The following RTP2 variants were observed in gnomAD, a reference collection of about 807,000 sequenced individuals.
RTP2 encodes the protein receptor transporter protein 2.
A neutral mutation model predicts 17.9 loss-of-function variants in RTP2; 12 were observed. The ratio of observed to expected loss-of-function variants is 0.67; its 90% confidence interval spans 0.43 to 1.09. The LOEUF (loss-of-function observed/expected upper bound fraction) is 1.09. Among genes scored for constraint, RTP2 ranks in the 50% least tolerant of loss-of-function variants. RTP2 has a pLI of 0.00. For synonymous variants in RTP2, 126 were observed against 117.7 expected (o/e 1.07, Z -0.46); for missense variants, 327 against 295.7 (o/e 1.11, Z -0.78).
chr3:187,698,563 A>C (rs1482695284), exon 2 of RTP2: 1 of 1,614,216 alleles, frequency 6.2e-7, no homozygotes, highest in African/African-American at 1.3e-5. Flanking sequence ...AGAGAGGCCC[A>C]GAAGAGGCAC....
exon 2 of RTP2, chr3:187,698,604 C>T (rs780896202): frequency 6.2e-7 from 1 of 1,614,098 alleles, no homozygotes; most frequent in South Asian, 1.1e-5. Context: ...GTAGCCGGAT[C>T]CCGCCTGGGC....
At chr3:187,713,393 G>A in the RTP2 span, among the ~76,000 whole-genome samples, 1 of 152,180 alleles carries the variant, frequency 6.6e-6, no homozygotes, top group African/African-American at 2.4e-5. Flanking sequence ...TTGGCATTTT[G>A]AACAAAGAAT....
chr3:187,712,552 C>T, the RTP2 span, among the ~76,000 whole-genome samples: 1 of 152,090 alleles, frequency 6.6e-6, no homozygotes, highest in Non-Finnish European at 1.5e-5. Flanking sequence ...CCCTTGTGAG[C>T]TGAAAAATGG....
the RTP2 span, among the ~76,000 whole-genome samples, chr3:187,709,356 T>C: frequency 9.2e-5 from 14 of 152,174 alleles, no homozygotes; most frequent in African/African-American, 3.4e-4. Context: ...CACCTCACCG[T>C]GGCTTGCATG....
At chr3:187,710,376 C>CATATATAT in the RTP2 span, among the ~76,000 whole-genome samples, 227 of 142,960 alleles carry the variant, frequency 1.6e-3, no homozygotes, top group East Asian at 3.7e-3. Flanking sequence ...CCTAAATATC[C>CATATATAT]ATATATATAT....
chr3:187,714,670 AC>A, the RTP2 span, among the ~76,000 whole-genome samples: 2 of 151,826 alleles, frequency 1.3e-5, no homozygotes, highest in Non-Finnish European at 2.9e-5. Flanking sequence ...TCATGCACTC[AC>A]TCCTTTGCTC....
upstream of RTP2, among the ~76,000 whole-genome samples, chr3:187,707,352 A>G (rs781637573): frequency 6.6e-6 from 1 of 152,222 alleles, no homozygotes; most frequent in Non-Finnish European, 1.5e-5. Context: ...GGAGATACCA[A>G]TGTGATCGTC....
the RTP2 span, among the ~76,000 whole-genome samples, chr3:187,711,065 A>C: frequency 1.3e-5 from 2 of 152,068 alleles, no homozygotes; most frequent in Non-Finnish European, 2.9e-5. Flanking sequence ...ATGCATAGCC[A>C]CCCCTTCTGC....
upstream of RTP2, among the ~76,000 whole-genome samples, chr3:187,705,675 C>T (rs1182361111): frequency 2.0e-5 from 3 of 152,112 alleles, no homozygotes; most frequent in African/African-American, 7.2e-5. Flanking sequence ...AAACAGGTCA[C>T]CTTCCAAAGA....
the RTP2 span, among the ~76,000 whole-genome samples, chr3:187,712,668 C>T: frequency 1.3e-5 from 2 of 152,082 alleles, no homozygotes; most frequent in Non-Finnish European, 1.5e-5. Flanking sequence ...CATGCATGTT[C>T]GTCTCCTGGA....
intron 1 of RTP2, among the ~76,000 whole-genome samples, chr3:187,699,397 G>C (rs1198613295): frequency 6.6e-6 from 1 of 152,088 alleles, no homozygotes; most frequent in Non-Finnish European, 1.5e-5. Flanking sequence ...TCCAGTAAGG[G>C]TCCTTCCTCT....
the RTP2 span, among the ~76,000 whole-genome samples, chr3:187,711,957 A>T: frequency 7.9e-5 from 12 of 152,218 alleles, no homozygotes; most frequent in Non-Finnish European, 1.6e-4. Flanking sequence ...TGGAGAACAG[A>T]TCAGCGGTTG....
chr3:187,701,932 G>C (rs1717859245), intron 1 of RTP2, 33 bp downstream of exon 1: 2 of 1,536,524 alleles, frequency 1.3e-6, no homozygotes, highest in Admixed American at 1.9e-5. Flanking sequence ...CCCAGGGGCT[G>C]TCTGCAAGGT....
chr3:187,704,988 A>G (rs552761077), upstream of RTP2, among the ~76,000 whole-genome samples: 4 of 152,302 alleles, frequency 2.6e-5, no homozygotes, highest in South Asian at 8.3e-4. Flanking sequence ...CCAAGGGCCC[A>G]AATTCTGTGC....
At chr3:187,710,274 G>A in the RTP2 span, among the ~76,000 whole-genome samples, 1 of 151,634 alleles carries the variant, frequency 6.6e-6, no homozygotes, top group Non-Finnish European at 1.5e-5. Context: ...TGTACCACTG[G>A]CTTTCCTGAG....
chr3:187,712,108 AAC>A, the RTP2 span, among the ~76,000 whole-genome samples: 5 of 151,548 alleles, frequency 3.3e-5, no homozygotes, highest in East Asian at 1.9e-4. Flanking sequence ...ATTGCATAGA[AAC>A]ACACACACAC....
the RTP2 span, among the ~76,000 whole-genome samples, chr3:187,714,136 T>C: frequency 6.6e-6 from 1 of 152,200 alleles, no homozygotes; most frequent in African/African-American, 2.4e-5. Context: ...CTGGCGAGAT[T>C]GTGGTGAGGA....
At chr3:187,701,965 C>T (rs1405546024) in exon 1 of RTP2, 2 of 1,587,750 alleles carry the variant, frequency 1.3e-6, no homozygotes, top group Middle Eastern at 1.7e-4. Flanking sequence ...AACCTCTCAC[C>T]TGCCTGAGGC....
intron 1 of RTP2, among the ~76,000 whole-genome samples, chr3:187,699,772 CACACACACACAT>C (rs1553830579): frequency 0.078 from 5,049 of 64,930 alleles, 179 homozygotes; most frequent in South Asian, 0.12. Context: ...CACACACACA[CACACACACACAT>C]ATATTTTCTC....
Sources: allele counts gnomAD v4.1 joint callset (sites outside exome capture counted in the v4.1 genomes callset), GRCh38; gene constraint gnomAD v4.1.1; transcripts MANE v1.5; gene names NCBI Gene and HGNC (gene_info 2026-07-23, HGNC 2026-07-21).